Variants in CEP44 observed in about 807,000 individuals in gnomAD.
CEP44 encodes centrosomal protein of 44 kDa.
Under a neutral mutation model 46.7 loss-of-function variants are expected in CEP44, and 45 were observed. That is an observed-to-expected ratio of 0.96 (90% confidence interval 0.76 to 1.24). The LOEUF (loss-of-function observed/expected upper bound fraction) is 1.24, where lower values mean the gene tolerates loss of function less well. Among genes scored for constraint, CEP44 ranks in the 50% most tolerant of loss-of-function variants. The probability of loss-of-function intolerance (pLI) is 0.00; values close to 1 mark genes in which losing one functional copy is unlikely to be tolerated. For synonymous variants in CEP44, 142 were observed against 146.0 expected, an observed-to-expected ratio of 0.97 and a Z score of 0.20; for missense variants, 475 against 459.7, an observed-to-expected ratio of 1.03 and a Z score of -0.30.
rs1399366249 is a variant in CEP44 at position 174,311,962 on chromosome 4, C to A, written c.961+1104C>A. Reference sequence around the variant, plus strand: ...GATTTCAGATTTGGTAAAATGTTGCCTGTTTTATTTATCCATTCATATATC... The same window carrying A: ...GATTTCAGATTTGGTAAAATGTTGCATGTTTTATTTATCCATTCATATATC... On this transcript the variant is annotated intron_variant, in intron 9 of 11. Transcript: ENST00000503780. This position sits in a 1 kb window ranked among gnomAD's most constrained non-coding sequence, Gnocchi z 4.4. Among the ~76,000 whole-genome samples, 1 of 152,104 alleles carries A rather than the reference C, an allele frequency of 6.6e-6. No individual in the cohort carries two copies. The highest frequency in any genetic ancestry group is 1.5e-5 in the Non-Finnish European group (1 of 68,010).
Position 174,288,714 on chromosome 4 carries a change from C to T in CEP44, c.-148+4771C>T, listed in dbSNP as rs1005021369. Among the ~76,000 whole-genome samples the T allele has an allele frequency of 3.9e-5, 6 of 152,022 alleles. No homozygotes were observed. The highest frequency in any genetic ancestry group is 1.4e-4 in the African/African-American group (6 of 41,418). ...TGCAAACAGATATTGTACCTCTTCT[C>T]TTTTTATTTGGATGTTTTTAATTTA... On this transcript the variant is annotated intron_variant, in intron 1 of 11. Transcript: ENST00000503780. This position sits in a 1 kb window ranked among gnomAD's most constrained non-coding sequence, Gnocchi z 4.6.
chr4:174,303,816 G>GA lies in CEP44; in HGVS notation c.356dup (p.His120AlafsTer22). On this transcript the variant is annotated frameshift_variant, in exon 5 of 12. Transcript: ENST00000503780. LOFTEE classifies it high-confidence loss of function. ...TTTGTGATATTTTGAATTGTGTGAT[G>GA]AAAAAGCACAAGGAATTAAGCAGTC... 6.4e-7 allele frequency: 1 copy of GA among 1,571,290 alleles called. No homozygotes were observed. Among genetic ancestry groups the GA allele is most frequent in the Non-Finnish European group, 8.7e-7 (1 of 1,148,306 alleles).
rs2126671333 is a variant in CEP44, at chr4:174,317,328, A to G, written c.1125-7A>G. 1 of 1,212,088 alleles carries G rather than the reference A, an allele frequency of 8.3e-7. No individual in the cohort carries two copies. The highest frequency in any genetic ancestry group is 2.3e-5 in the Admixed American group (1 of 43,704). The allele number at this position is 1,212,088 out of a possible 1,614,324, so 75.1% of individuals were successfully genotyped here. ...ATTTACTTAATATATTATTTATTAT[A>G]TTTCAGGTTTGAAGAAACTGCAGAG... On this transcript the variant is annotated splice_polypyrimidine_tract_variant and splice_region_variant and intron_variant, in intron 11 of 11. Transcript: ENST00000503780.
In CEP44 at chr4:174,318,350, C is replaced by T; in HGVS notation, c.*967C>T. On this transcript the variant is annotated 3_prime_UTR_variant, in exon 12 of 12. Transcript: ENST00000503780. Reference sequence around the variant, plus strand: ...GTAACACTTTTTAAGACCAGTGTAACAGAAAGAGAATGTAGCCATTCTAGC... The same window carrying T: ...GTAACACTTTTTAAGACCAGTGTAATAGAAAGAGAATGTAGCCATTCTAGC... 1 of 985,192 alleles carries T rather than the reference C, an allele frequency of 1.0e-6. No individual in the cohort carries two copies. Among genetic ancestry groups the T allele is most frequent in the Non-Finnish European group, 1.2e-6 (1 of 829,894 alleles). 61.0% of individuals were successfully genotyped at this position (985,192 alleles called of 1,614,324 possible). A position where few individuals can be genotyped will look rare whatever the true frequency, so the allele number is the denominator to read the frequency against.
In CEP44 at chr4:174,288,448, C is replaced by T. The variant is rs941558224; in HGVS notation, c.-148+4505C>T. ...TTCCCATTTTGTTCTCCCCATGTTCCCTTACAACCACCATTCTATTCTCTG... is the reference window on the plus strand; with the variant it reads ...TTCCCATTTTGTTCTCCCCATGTTCTCTTACAACCACCATTCTATTCTCTG... On this transcript the variant is annotated intron_variant, in intron 1 of 11. Transcript: ENST00000503780. This position sits in a 1 kb window ranked among gnomAD's most constrained non-coding sequence, Gnocchi z 4.6. Among the ~76,000 whole-genome samples, 1 of 152,026 alleles carries T rather than the reference C, an allele frequency of 6.6e-6. No individual in the cohort carries two copies. Among genetic ancestry groups the T allele is most frequent in the Non-Finnish European group, 1.5e-5 (1 of 67,994 alleles).
downstream of CEP44, among the ~76,000 whole-genome samples, chr4:174,322,506 G>A (rs541367527): frequency 1.4e-4 from 21 of 152,200 alleles, no homozygotes; most frequent in South Asian, 3.7e-3. Flanking sequence ...AAAGCACCCT[G>A]TAATTTTTCT....
chr4:174,320,046 C>G lies in CEP44; in HGVS notation c.*2663C>G, dbSNP rs962371853. 4.3e-5 allele frequency: 42 copies of G among 984,968 alleles called. No homozygotes were observed. Among genetic ancestry groups the G allele is most frequent in the Admixed American group, 6.2e-5 (1 of 16,240 alleles). The allele number at this position is 984,968 out of a possible 1,614,324, so 61.0% of individuals were successfully genotyped here. On this transcript the variant is annotated 3_prime_UTR_variant, in exon 12 of 12. Transcript: ENST00000503780. ...CTCTCATAAACTGGTTGAAAAAACA[C>G]TGTACTACCAACAAAGGTGTCAGTT...
At chr4:174,324,761 G>A (rs1239657189), downstream of CEP44, among the ~76,000 whole-genome samples, 1 of 152,034 alleles carries the variant, frequency 6.6e-6, no homozygotes, top group Non-Finnish European at 1.5e-5. Flanking sequence ...TGAGTAGCAG[G>A]GTTTCAGTTC....
chr4:174,304,770 C>T (rs1048703446), intron 6 of CEP44, among the ~76,000 whole-genome samples: 1 of 152,094 alleles, frequency 6.6e-6, no homozygotes, highest in Non-Finnish European at 1.5e-5. Context: ...CATTATATTT[C>T]TGTAACCAAG....
rs1389843933 is a variant in CEP44 at position 174,288,897 on chromosome 4, A to G, written c.-148+4954A>G. ...TGTGGGCTTCTCATAAATGGACTTT[A>G]TTTTGTTTTTCCTTTACCTAATTTG... On this transcript the variant is annotated intron_variant, in intron 1 of 11. Transcript: ENST00000503780. This position sits in a 1 kb window ranked among gnomAD's most constrained non-coding sequence, Gnocchi z 4.6. Among the ~76,000 whole-genome samples, 1 of 152,036 alleles carries G rather than the reference A, an allele frequency of 6.6e-6. No homozygotes were observed. Among genetic ancestry groups the G allele is most frequent in the African/African-American group, 2.4e-5 (1 of 41,388 alleles).
At chr4:174,305,630 C>G (rs1355093955) in intron 6 of CEP44, among the ~76,000 whole-genome samples, 1 of 152,162 alleles carries the variant, frequency 6.6e-6, no homozygotes, top group Non-Finnish European at 1.5e-5. Context: ...ACACTTGCAT[C>G]TCTAACTCAT....
In CEP44 at chr4:174,290,566, G is replaced by A. The variant is rs1348869074; in HGVS notation, c.-148+6623G>A. On this transcript the variant is annotated intron_variant, in intron 1 of 11. Coordinates refer to ENST00000503780, the MANE Select transcript of CEP44 (RefSeq NM_001040157.3). The surrounding 1 kb of genome is among the most constrained non-coding windows in gnomAD (Gnocchi z 4.3). Reference sequence around the variant, plus strand: ...ATGCATGTTAGGTCTTTGGTCTATAGTGTTGTATAGTTTGCAATTTACTTG... The same window carrying A: ...ATGCATGTTAGGTCTTTGGTCTATAATGTTGTATAGTTTGCAATTTACTTG... 3.3e-5 allele frequency among the ~76,000 whole-genome samples: 5 copies of A among 151,964 alleles called. No homozygotes were observed. Among genetic ancestry groups the A allele is most frequent in the Non-Finnish European group, 5.9e-5 (4 of 67,936 alleles).
rs942801153 is a variant in CEP44, at chr4:174,287,783, T to A, written c.-148+3840T>A. On this transcript the variant is annotated intron_variant, in intron 1 of 11. Coordinates refer to ENST00000503780, the MANE Select transcript of CEP44 (RefSeq NM_001040157.3). This position sits in a 1 kb window ranked among gnomAD's most constrained non-coding sequence, Gnocchi z 5.1. ...TTATTTCATGCTGACAATATGTTTA[T>A]AAGTGTTTTGCAGTAACCTTTTTGT... 6.6e-5 allele frequency among the ~76,000 whole-genome samples: 10 copies of A among 152,236 alleles called. No homozygotes were observed. Among genetic ancestry groups the A allele is most frequent in the Non-Finnish European group, 1.2e-4 (8 of 68,034 alleles).
Position 174,309,007 on chromosome 4 carries a change from T to C in CEP44, c.678+148T>C. ...TATGTTACAATTACTGAAGTGTCAA[T>C]AAGTCTTACTAAAATAATTCAACAA... On this transcript the variant is annotated intron_variant, in intron 7 of 11. Transcript: ENST00000503780. The surrounding 1 kb of genome is among the most constrained non-coding windows in gnomAD (Gnocchi z 5.3). 1 of 744,542 alleles carries C rather than the reference T, an allele frequency of 1.3e-6. No individual in the cohort carries two copies. Among genetic ancestry groups the C allele is most frequent in the Non-Finnish European group, 2.2e-6 (1 of 455,504 alleles). The allele number at this position is 744,542 out of a possible 1,614,324, so 46.1% of individuals were successfully genotyped here.
Position 174,297,910 on chromosome 4 carries a change from A to G in CEP44, c.-147-56A>G, listed in dbSNP as rs1301036035. 6.6e-6 allele frequency: 1 copy of G among 151,796 alleles called. No homozygotes were observed. The highest frequency in any genetic ancestry group is 1.9e-4 in the East Asian group (1 of 5,138). 9.4% of individuals were successfully genotyped at this position (151,796 alleles called of 1,614,324 possible). Reference sequence around the variant, plus strand: ...CTAGGGTTAGCTGCTTCTTATGTAGACTCTCAAATAATCATTCTTATTTCA... The same window carrying G: ...CTAGGGTTAGCTGCTTCTTATGTAGGCTCTCAAATAATCATTCTTATTTCA... On this transcript the variant is annotated intron_variant, in intron 1 of 11. Transcript: ENST00000503780. This position sits in a 1 kb window ranked among gnomAD's most constrained non-coding sequence, Gnocchi z 4.3.
chr4:174,316,986 A>C (rs1162691714), intron 11 of CEP44, among the ~76,000 whole-genome samples: 1 of 151,848 alleles, frequency 6.6e-6, no homozygotes, highest in Non-Finnish European at 1.5e-5. Context: ...GATACTAAAA[A>C]TGATGTTTTT....
Position 174,287,064 on chromosome 4 carries a change from A to G in CEP44, c.-148+3121A>G, listed in dbSNP as rs1004018768. 2.0e-5 allele frequency among the ~76,000 whole-genome samples: 3 copies of G among 152,208 alleles called. No homozygotes were observed. Among genetic ancestry groups the G allele is most frequent in the African/African-American group, 4.8e-5 (2 of 41,444 alleles). On this transcript the variant is annotated intron_variant, in intron 1 of 11. Transcript: ENST00000503780. This position sits in a 1 kb window ranked among gnomAD's most constrained non-coding sequence, Gnocchi z 5.1. ...GGAGTTTGGGACCGATGACAGTGCA[A>G]AACATCTTGACTGACAATGGTGGTG...
intron 1 of CEP44, among the ~76,000 whole-genome samples, chr4:174,291,410 C>A (rs573001140): frequency 1.4e-4 from 21 of 152,034 alleles, no homozygotes; most frequent in Non-Finnish European, 2.9e-5. Context: ...TACACTTCTC[C>A]CCCCTCTTCC....
At chr4:174,328,251 G>A (rs7669244) in intron 8 of CEP44, among the ~76,000 whole-genome samples, 100,589 of 152,024 alleles carry the variant, frequency 0.66, 33,529 homozygotes, top group East Asian at 0.75. Flanking sequence ...CCATGTGGCC[G>A]TTCCAGTCCC....
Sources: allele counts gnomAD v4.1 joint callset (sites outside exome capture counted in the v4.1 genomes callset), GRCh38; gene constraint gnomAD v4.1.1; non-coding constraint Gnocchi (gnomAD v3.1); transcripts MANE v1.5; gene names NCBI Gene and HGNC (gene_info 2026-07-23, HGNC 2026-07-21).